Variants in BICRA observed in about 807,000 individuals in gnomAD.
The protein encoded by BICRA is BRD4-interacting chromatin-remodeling complex-associated protein.
A neutral mutation model predicts 96.9 loss-of-function variants in BICRA; 31 were observed. The observed-to-expected ratio is 0.32, with a 90% CI of 0.24 to 0.43. The LOEUF is 0.43. Among genes scored for constraint, BICRA ranks in the 20% least tolerant of loss-of-function variants. The probability of loss-of-function intolerance (pLI) is 1.00; values close to 1 mark genes in which losing one functional copy is unlikely to be tolerated. For missense variants in BICRA, 2,283 were observed against 2,190.3 expected, an observed-to-expected ratio of 1.04 and a Z score of -0.84; for synonymous variants, 1,350 against 1,071.8, an observed-to-expected ratio of 1.26 and a Z score of -5.07.
At chr19:47,619,768 G>C (rs1358627155) in intron 1 of BICRA, among the ~76,000 whole-genome samples, 2 of 152,168 alleles carry the variant, frequency 1.3e-5, no homozygotes, top group African/African-American at 4.8e-5. Flanking sequence ...CAGTTGTGGT[G>C]GCCCCTGCCT....
rs1971854624 is a variant in BICRA, at chr19:47,609,161, A to C, written c.-115A>C. 6.7e-6 allele frequency: 1 copy of C among 149,676 alleles called. No individual in the cohort carries two copies. Among genetic ancestry groups the C allele is most frequent in the South Asian group, 2.1e-4 (1 of 4,790 alleles). 9.3% of individuals were successfully genotyped at this position (149,676 alleles called of 1,614,324 possible). On this transcript the variant is annotated 5_prime_UTR_variant, in exon 1 of 15. Transcript: ENST00000594866. The stretch of plus-strand genomic sequence containing the variant: ...AGACCCCGCGCCGACGGCTGCTCAA[A>C]CATCAGGGTGAGTTTCTCACAATGT...
chr19:47,655,525 C>CAAAAAA (rs58172799), intron 1 of BICRA, among the ~76,000 whole-genome samples: 1 of 65,120 alleles, frequency 1.5e-5, no homozygotes, highest in African/African-American at 6.5e-5. Flanking sequence ...AACTCTGTCT[C>CAAAAAA]AAAAAAAAAA....
rs1384332052 is a variant in BICRA at position 47,699,270 on chromosome 19, T to C, written c.3493-33T>C. 2 of 1,278,266 alleles carry C rather than the reference T, an allele frequency of 1.6e-6. No homozygotes were observed. Among genetic ancestry groups the C allele is most frequent in the Non-Finnish European group, 2.2e-6 (2 of 897,146 alleles). The allele number at this position is 1,278,266 out of a possible 1,614,324, so 79.2% of individuals were successfully genotyped here. ...CGCGCCCCTTCCCCCTTCTTGCTGG[T>C]TCACTCGCACGTCGTCTTTTCCCCC... is the stretch of plus-strand genomic sequence containing the variant. On this transcript the variant is annotated intron_variant, in intron 13 of 14. Transcript: ENST00000594866. The surrounding 1 kb of genome is among the most constrained non-coding windows in gnomAD (Gnocchi z 5.0).
intron 5 of BICRA, 101 bp from the exon 6 acceptor site, chr19:47,679,220 G>C (rs1007727831): frequency 7.8e-6 from 6 of 769,602 alleles, no homozygotes; most frequent in Non-Finnish European, 7.6e-6. Context: ...TTTCTTGAAC[G>C]TGGCTGCCCT....
Position 47,698,806 on chromosome 19 carries a change from C to G in BICRA, c.3397+24C>G, listed in dbSNP as rs767140619. 6.4e-7 allele frequency: 1 copy of G among 1,567,650 alleles called. No individual in the cohort carries two copies. Among genetic ancestry groups the G allele is most frequent in the East Asian group, 2.3e-5 (1 of 43,306 alleles). On this transcript the variant is annotated intron_variant, in intron 12 of 14. Coordinates refer to ENST00000594866, the MANE Select transcript of BICRA (RefSeq NM_001394372.1). The surrounding 1 kb of genome is among the most constrained non-coding windows in gnomAD (Gnocchi z 4.8). ...AGGTGAGGCCTCCCCAGGACACGGC[C>G]CTATATGTCCCAGGGGACCCCAGCC...
chr19:47,608,860 AG>A (rs1168968468), upstream of BICRA, among the ~76,000 whole-genome samples: 2 of 136,340 alleles, frequency 1.5e-5, no homozygotes, highest in African/African-American at 5.3e-5. Flanking sequence ...AGGAGGAGGA[AG>A]GGGGTGGGGG....
chr19:47,624,175 G>A (rs1972106520), intron 1 of BICRA, among the ~76,000 whole-genome samples: 1 of 152,064 alleles, frequency 6.6e-6, no homozygotes, highest in South Asian at 2.1e-4. Flanking sequence ...AGTGCCCTCA[G>A]GTAAAACCTC....
At chr19:47,673,480 C>A in intron 2 of BICRA, 90 bp from the exon 3 acceptor site, 1 of 1,015,306 alleles carries the variant, frequency 9.8e-7, no homozygotes, top group Non-Finnish European at 1.6e-6. Flanking sequence ...TGACCCCCTC[C>A]AGGGGGCTCC....
At chr19:47,674,087 G>C (rs906099229) in intron 4 of BICRA, among the ~76,000 whole-genome samples, 1 of 152,212 alleles carries the variant, frequency 6.6e-6, no homozygotes, top group Non-Finnish European at 1.5e-5. Flanking sequence ...GGCTCCTTTA[G>C]ATAGTGTGAT....
At position 47,609,179 on chromosome 19, in the gene BICRA, C is replaced by T. The variant is rs1408187917; in HGVS notation, c.-108+11C>T. 1.3e-5 allele frequency: 2 copies of T among 150,150 alleles called. No homozygotes were observed. The highest frequency in any genetic ancestry group is 3.0e-5 in the Non-Finnish European group (2 of 67,552). 9.3% of individuals were successfully genotyped at this position (150,150 alleles called of 1,614,324 possible). On this transcript the variant is annotated intron_variant, in intron 1 of 14. Coordinates refer to ENST00000594866, the MANE Select transcript of BICRA (RefSeq NM_001394372.1). ...TGCTCAAACATCAGGGTGAGTTTCT[C>T]ACAATGTAGCAATTTCTCTTTAAAT...
Position 47,682,114 on chromosome 19 carries a change from GC to G in BICRA, c.2250del (p.Asp751ThrfsTer18). The G allele has an allele frequency of 5.3e-6, 8 of 1,511,080 alleles. No individual in the cohort carries two copies. The highest frequency in any genetic ancestry group is 1.2e-5 in the South Asian group (1 of 83,862). The allele number at this position is 1,511,080 out of a possible 1,614,324, so 93.6% of individuals were successfully genotyped here. A position where few individuals can be genotyped will look rare whatever the true frequency, so the allele number is the denominator to read the frequency against. ...VAKGAGLGPQ[A>X]PDSQASPAPA... is the part of the protein sequence containing the mutation. Reference sequence around the variant, plus strand: ...CAAAGGAGCTGGCCTCGGCCCTCAGGCCCCCGACAGCCAGGCTTCCCCGGCT... The same window carrying G: ...CAAAGGAGCTGGCCTCGGCCCTCAGGCCCCGACAGCCAGGCTTCCCCGGCT... On this transcript the variant is annotated frameshift_variant, in exon 7 of 15. Coordinates refer to ENST00000594866, the MANE Select transcript of BICRA (RefSeq NM_001394372.1). LOFTEE classifies it high-confidence loss of function.
chr19:47,619,561 T>C (rs535359417), intron 1 of BICRA, among the ~76,000 whole-genome samples: 4 of 149,058 alleles, frequency 2.7e-5, no homozygotes, highest in Non-Finnish European at 5.9e-5. Context: ...TCCCAGCCTC[T>C]CCCAATCCTT....
In BICRA at chr19:47,701,228, G is replaced by A. The variant is rs1568581055; in HGVS notation, c.3596-100G>A. ...TGGAGGGTCCAGGGTGCAGTCTGGT[G>A]CCTGGCAGGTAGTAGGTGCTCACTG... On this transcript the variant is annotated intron_variant, in intron 14 of 14. Transcript: ENST00000594866. The surrounding 1 kb of genome is among the most constrained non-coding windows in gnomAD (Gnocchi z 5.4). 5.1e-6 allele frequency: 4 copies of A among 789,130 alleles called. No individual in the cohort carries two copies. The highest frequency in any genetic ancestry group is 2.6e-5 in the East Asian group (1 of 37,922). The allele number at this position is 789,130 out of a possible 1,614,324, so 48.9% of individuals were successfully genotyped here.
rs748905471 is a variant in BICRA, at chr19:47,695,370, C to T, written c.3082C>T (p.Pro1028Ser). Residue 1028 changes from proline (P) to serine (S), a missense_variant, in exon 10 of 15, where the codon CCT becomes TCT. Coordinates refer to ENST00000594866, the MANE Select transcript of BICRA (RefSeq NM_001394372.1). ...CCCACCCCACCCACCCCCAGGCCTC[C>T]CTCCTCTGCTTCCAGCCGAGAACAA... ...APAPMAATGL[P>S]PLLPAENKAF... The T allele has an allele frequency of 7.1e-7, 1 of 1,411,892 alleles. No homozygotes were observed. The highest frequency in any genetic ancestry group is 9.8e-7 in the Non-Finnish European group (1 of 1,021,740). The allele number at this position is 1,411,892 out of a possible 1,614,324, so 87.5% of individuals were successfully genotyped here. A position where few individuals can be genotyped will look rare whatever the true frequency, so the allele number is the denominator to read the frequency against.
At chr19:47,676,535 C>T (rs572991147) in intron 5 of BICRA, among the ~76,000 whole-genome samples, 1 of 135,694 alleles carries the variant, frequency 7.4e-6, no homozygotes, top group Non-Finnish European at 1.6e-5. Flanking sequence ...TGCTTTCCCC[C>T]CTTCACCTTT....
chr19:47,672,120 A>G (rs1200893799), intron 2 of BICRA, among the ~76,000 whole-genome samples: 2 of 121,022 alleles, frequency 1.7e-5, no homozygotes, highest in Admixed American at 8.5e-5. Flanking sequence ...AGGATGGAGG[A>G]TGGGTAGGTA....
rs1242767549 is a variant in BICRA at position 47,680,497 on chromosome 19, C to T, written c.1327C>T (p.Leu443=). ...GGCCCCGCCGCAGCCCCCCGGGGCCCTGAGCAAACCCATGAGCGTCCACCT... is the reference window on the plus strand; with the variant it reads ...GGCCCCGCCGCAGCCCCCCGGGGCCTTGAGCAAACCCATGAGCGTCCACCT... The part of the protein sequence containing the change: ...GAAPPQPPGA[L]SKPMSVHLLN... The change falls in exon 6 of 15, where the codon CTG becomes TTG. Residue 443 remains leucine (L), a synonymous_variant. Coordinates refer to ENST00000594866, the MANE Select transcript of BICRA (RefSeq NM_001394372.1). The T allele has an allele frequency of 2.6e-6, 4 of 1,542,878 alleles. No individual in the cohort carries two copies. The Admixed American group carries it at 8.0e-5, about 31-fold the overall frequency.
At chr19:47,652,963 A>G (rs1972561257) in intron 1 of BICRA, among the ~76,000 whole-genome samples, 1 of 149,932 alleles carries the variant, frequency 6.7e-6, no homozygotes, top group Admixed American at 6.6e-5. Flanking sequence ...TTTTCCATGT[A>G]GCAGTAGTCT....
chr19:47,698,295 G>C lies in BICRA; in HGVS notation c.3249-339G>C, dbSNP rs2123612425. Among the ~76,000 whole-genome samples the C allele has an allele frequency of 6.6e-6, 1 of 152,246 alleles. No homozygotes were observed. Among genetic ancestry groups the C allele is most frequent in the Middle Eastern group, 3.4e-3 (1 of 294 alleles). ...GCACGGTGGAGCCACACTGGCCCCA[G>C]GTGGCAGGAGGCAGAATAGCAGCTT... is the stretch of plus-strand genomic sequence containing the variant. On this transcript the variant is annotated intron_variant, in intron 11 of 14. Coordinates refer to ENST00000594866, the MANE Select transcript of BICRA (RefSeq NM_001394372.1). The surrounding 1 kb of genome is among the most constrained non-coding windows in gnomAD (Gnocchi z 4.8).
Sources: allele counts gnomAD v4.1 joint callset (sites outside exome capture counted in the v4.1 genomes callset), GRCh38; gene constraint gnomAD v4.1.1; non-coding constraint Gnocchi (gnomAD v3.1); transcripts MANE v1.5; gene names NCBI Gene and HGNC (gene_info 2026-07-23, HGNC 2026-07-21).